Variants in XRCC6 observed in about 807,000 individuals in gnomAD.
XRCC6 encodes the protein X-ray repair cross complementing 6.
Under a neutral mutation model 65.7 loss-of-function variants are expected in XRCC6, and 5 were observed. The ratio of observed to expected loss-of-function variants is 0.08; its 90% CI spans 0.04 to 0.16. The LOEUF is 0.16. Ranked by LOEUF, XRCC6 falls within the 10% of genes least tolerant of loss-of-function variation. The probability of loss-of-function intolerance (pLI) is 1.00; values close to 1 mark genes in which losing one functional copy is unlikely to be tolerated. For synonymous variants in XRCC6, 270 were observed against 270.6 expected (o/e 1.00, Z 0.02); for missense variants, 447 against 738.1 (o/e 0.61, Z 4.57).
intron 2 of XRCC6, among the ~76,000 whole-genome samples, chr22:41,627,346 C>A (rs956029271): frequency 4.6e-5 from 7 of 151,956 alleles, no homozygotes; most frequent in African/African-American, 1.7e-4. Flanking sequence ...TGCGGTGGCT[C>A]ACGTCTATAA....
chr22:41,640,268 C>A (rs2067861658), intron 6 of XRCC6, among the ~76,000 whole-genome samples: 1 of 152,126 alleles, frequency 6.6e-6, no homozygotes, highest in South Asian at 2.1e-4. Flanking sequence ...CCTGCCTCAG[C>A]CTCCCGAGTA....
At chr22:41,660,727 C>T (rs370069167) in intron 11 of XRCC6, among the ~76,000 whole-genome samples, 182 of 152,244 alleles carry the variant, frequency 1.2e-3, no homozygotes, top group African/African-American at 4.1e-3. Flanking sequence ...CCTGTACAGT[C>T]GCTTCTTGCA....
At chr22:41,652,321 C>A (rs2068007520) in intron 8 of XRCC6, among the ~76,000 whole-genome samples, 1 of 151,202 alleles carries the variant, frequency 6.6e-6, no homozygotes, top group Non-Finnish European at 1.5e-5. Flanking sequence ...GGGGTCATGT[C>A]ATTAACCTAG....
At chr22:41,621,693 T>A (rs72547478) in intron 1 of XRCC6, 2 of 391,532 alleles carry the variant, frequency 5.1e-6, no homozygotes, top group Non-Finnish European at 9.4e-6. Flanking sequence ...CATAGAATCC[T>A]GGAGCGGGAA....
Position 41,647,066 on chromosome 22 carries a change from A to C in XRCC6, c.944A>C (p.Asp315Ala). ...TSTGGLLLPS[D>A]TKRSQIYGSR... is the part of the protein sequence containing the mutation. ...ACAGGCGGTTTGCTTCTGCCTAGCG[A>C]TACCAAGAGGTCTCAGGTAGGTAGA... is the stretch of plus-strand genomic sequence containing the variant. The change falls in exon 7 of 13, where the codon GAT (aspartate) becomes GCT (alanine). Residue 315 changes from aspartate (D) to alanine (A), a missense_variant. This residue lies in a region of XRCC6 where 201 missense variants were observed against 374.1 expected (regional missense o/e 0.54). Transcript: ENST00000360079. The C allele has an allele frequency of 6.2e-7, 1 of 1,614,048 alleles. No individual in the cohort carries two copies. Among genetic ancestry groups the C allele is most frequent in the Non-Finnish European group, 8.5e-7 (1 of 1,180,004 alleles).
At chr22:41,651,029 G>A in intron 8 of XRCC6, 138 bp downstream of exon 8, 1 of 1,192,388 alleles carries the variant, frequency 8.4e-7, no homozygotes, top group Non-Finnish European at 1.2e-6. Context: ...AGCTCTGCCT[G>A]GTGCAGTGGC....
At chr22:41,649,082 A>C (rs1030087054) in intron 7 of XRCC6, among the ~76,000 whole-genome samples, 14 of 148,628 alleles carry the variant, frequency 9.4e-5, no homozygotes, top group Non-Finnish European at 1.8e-4. Context: ...TAAAAAACTA[A>C]AAATTAGCCA....
chr22:41,630,487 TTC>T (rs1412103183), intron 3 of XRCC6, among the ~76,000 whole-genome samples: 1 of 73,154 alleles, frequency 1.4e-5, no homozygotes, highest in African/African-American at 5.3e-5. Context: ...AGATTAGTGT[TTC>T]TTTTTTTTTT....
At chr22:41,622,722 C>T (rs562659450) in intron 2 of XRCC6, among the ~76,000 whole-genome samples, 6 of 152,028 alleles carry the variant, frequency 3.9e-5, no homozygotes, top group Non-Finnish European at 5.9e-5. Flanking sequence ...GGGCGGATCA[C>T]GATGTCAGGA....
At chr22:41,643,780 C>T (rs1027033813) in intron 6 of XRCC6, among the ~76,000 whole-genome samples, 2 of 150,646 alleles carry the variant, frequency 1.3e-5, no homozygotes, top group Non-Finnish European at 2.9e-5. Flanking sequence ...GAGATTGCGC[C>T]ACTGCACTCC....
chr22:41,658,494 C>T, intron 11 of XRCC6, 142 bp downstream of exon 11: 1 of 777,360 alleles, frequency 1.3e-6, no homozygotes. Context: ...GGAAGCTTTT[C>T]CAGACCAGCT....
chr22:41,621,483 G>A, intron 1 of XRCC6, 138 bp downstream of exon 1: 1 of 166,348 alleles, frequency 6.0e-6, no homozygotes, highest in South Asian at 1.3e-4. Context: ...CCGAGGAGCA[G>A]CGACAGACTC....
intron 9 of XRCC6, among the ~76,000 whole-genome samples, chr22:41,655,327 GTTTT>G (rs200998071): frequency 7.1e-6 from 1 of 141,278 alleles, no homozygotes; most frequent in Non-Finnish European, 1.6e-5. Context: ...ATTCATTTTA[GTTTT>G]TTTTTTTTTT....
Position 41,647,062 on chromosome 22 carries a change from A to G in XRCC6, c.940A>G (p.Ser314Gly), listed in dbSNP as rs759924833. The G allele has an allele frequency of 3.1e-6, 5 of 1,613,994 alleles. No individual in the cohort carries two copies. The South Asian group carries it at 4.4e-5, about 14-fold the overall frequency. The change falls in exon 7 of 13, where the codon AGC (serine) becomes GGC (glycine). Residue 314 changes from serine to glycine, a missense_variant. This residue lies in a region of XRCC6 where 201 missense variants were observed against 374.1 expected (regional missense o/e 0.54). Transcript: ENST00000360079. ...NTSTGGLLLPSDTKRSQIYGS... is the reference protein window; with the variant it reads ...NTSTGGLLLPGDTKRSQIYGS... ...AAGTACAGGCGGTTTGCTTCTGCCT[A>G]GCGATACCAAGAGGTCTCAGGTAGG... is the stretch of plus-strand genomic sequence containing the variant.
chr22:41,653,768 C>A, intron 9 of XRCC6, 78 bp downstream of exon 9: 1 of 1,501,400 alleles, frequency 6.7e-7, no homozygotes, highest in South Asian at 1.3e-5. Flanking sequence ...TAATGCAGAC[C>A]TACTGAATCA....
chr22:41,654,510 G>A (rs1452418247), intron 9 of XRCC6, among the ~76,000 whole-genome samples: 1 of 152,160 alleles, frequency 6.6e-6, no homozygotes, highest in South Asian at 2.1e-4. Flanking sequence ...AGAGGTGAGG[G>A]ATTTGCTTCT....
intron 1 of XRCC6, chr22:41,621,683 CAT>C: frequency 2.8e-6 from 1 of 363,492 alleles, no homozygotes; most frequent in South Asian, 2.9e-5. Context: ...CGTTAGTCAG[CAT>C]AGAATCCTGG....
At chr22:41,642,051 T>C (rs1268980795) in intron 6 of XRCC6, among the ~76,000 whole-genome samples, 1 of 152,166 alleles carries the variant, frequency 6.6e-6, no homozygotes, top group African/African-American at 2.4e-5. Flanking sequence ...AGGATCTCAT[T>C]TTTTATGGCT....
At position 41,628,570 on chromosome 22, in the gene XRCC6, G is replaced by A. The variant is rs1176614913; in HGVS notation, c.195+340G>A. 2.6e-5 allele frequency among the ~76,000 whole-genome samples: 4 copies of A among 152,190 alleles called. No homozygotes were observed. The East Asian group carries it at 5.8e-4, about 22-fold the overall frequency. ...GAAGGGAAGTTCCCACAGTTATAGT[G>A]TGGAAAAGAGTGAGTGATACTTGGG... On this transcript the variant is annotated intron_variant, in intron 3 of 12. Coordinates refer to ENST00000360079, the MANE Select transcript of XRCC6 (RefSeq NM_001469.5).
Sources: allele counts gnomAD v4.1 joint callset (sites outside exome capture counted in the v4.1 genomes callset), GRCh38; gene constraint gnomAD v4.1.1; regional missense constraint gnomAD v4.1.1; transcripts MANE v1.5; gene names NCBI Gene and HGNC (gene_info 2026-07-23, HGNC 2026-07-21).